Variants in TMEM132E observed in about 807,000 individuals in gnomAD.
The protein encoded by TMEM132E is transmembrane protein 132E.
A neutral mutation model predicts 78.5 loss-of-function variants in TMEM132E; 49 were observed. The ratio of observed to expected loss-of-function variants is 0.62; its 90% CI spans 0.50 to 0.79. The LOEUF is 0.79. TMEM132E is among the 30% of genes least tolerant of loss of function. The probability of loss-of-function intolerance (pLI) is 0.00; values close to 1 mark genes in which losing one functional copy is unlikely to be tolerated. For synonymous variants in TMEM132E, 715 were observed against 670.6 expected (o/e 1.07, Z -1.02); for missense variants, 1,403 against 1,470.9 (o/e 0.95, Z 0.75).
chr17:34,619,095 G>A (rs1176366009), intron 1 of TMEM132E, among the ~76,000 whole-genome samples: 1 of 152,236 alleles, frequency 6.6e-6, no homozygotes, highest in East Asian at 1.9e-4. Flanking sequence ...TGGGGTTGCT[G>A]GGCAGAGCCT....
intron 1 of TMEM132E, among the ~76,000 whole-genome samples, chr17:34,583,293 A>G (rs1242147993): frequency 6.6e-6 from 1 of 152,198 alleles, no homozygotes; most frequent in Non-Finnish European, 1.5e-5. Context: ...CCTCCTGACT[A>G]TCTGGCTTCC....
rs59611890 is a variant in TMEM132E at position 34,613,196 on chromosome 17, C to CA, written c.68-12931_68-12930insA. Among the ~76,000 whole-genome samples, 244 of 133,006 alleles carry CA rather than the reference C, an allele frequency of 1.8e-3. 4 individuals carry two copies. The highest frequency in any genetic ancestry group is 7.9e-3 in the Middle Eastern group (2 of 252). The allele number at this position is 133,006 out of a possible 152,430, so 87.3% of individuals were successfully genotyped here. ...CTCTACACACACACACACACACACACCCACACACACACACACGCGCGCGCG... is the reference window on the plus strand; with the variant it reads ...CTCTACACACACACACACACACACACACCACACACACACACACGCGCGCGCG... On this transcript the variant is annotated intron_variant, in intron 1 of 8. Coordinates refer to ENST00000631683, the MANE Select transcript of TMEM132E (RefSeq NM_001304438.2).
intron 1 of TMEM132E, among the ~76,000 whole-genome samples, chr17:34,598,552 C>T (rs1370714415): frequency 1.3e-5 from 2 of 152,078 alleles, no homozygotes; most frequent in Non-Finnish European, 2.9e-5. Flanking sequence ...CGGGGCCTAC[C>T]CAGGACAGCC....
At chr17:34,629,960 G>A (rs1298394154) in intron 4 of TMEM132E, 48 bp from the exon 5 acceptor site, 3 of 1,562,306 alleles carry the variant, frequency 1.9e-6, no homozygotes, top group Non-Finnish European at 1.7e-6. Flanking sequence ...GTGTGTCCCA[G>A]GACAGAAGGG....
At chr17:34,609,550 C>T (rs188192275) in intron 1 of TMEM132E, among the ~76,000 whole-genome samples, 180 of 152,280 alleles carry the variant, frequency 1.2e-3, no homozygotes, top group South Asian at 2.5e-3. Flanking sequence ...GGAACGGCAG[C>T]TCTGTCTGCC....
Position 34,637,714 on chromosome 17 carries a change from C to T in TMEM132E, c.2707C>T (p.Leu903Phe), listed in dbSNP as rs759262791. ...GCTGGGCGTCTTCTGCCTCGCCATC[C>T]TCGTCTTCCTCATCAACTGCATCGT... ...ALLGVFCLAI[L>F]VFLINCIVFV... The change falls in exon 9 of 9, where the codon CTC (leucine) becomes TTC (phenylalanine). Residue 903 changes from leucine (L) to phenylalanine (F), a missense_variant. Coordinates refer to ENST00000631683, the MANE Select transcript of TMEM132E (RefSeq NM_001304438.2). 1.2e-6 allele frequency: 2 copies of T among 1,613,112 alleles called. No individual in the cohort carries two copies. Among genetic ancestry groups the T allele is most frequent in the East Asian group, 2.2e-5 (1 of 44,884 alleles).
Position 34,626,191 on chromosome 17 carries a change from A to C in TMEM132E, c.132A>C (p.Pro44=). 3.2e-6 allele frequency: 5 copies of C among 1,567,360 alleles called. No individual in the cohort carries two copies. The highest frequency in any genetic ancestry group is 4.3e-6 in the Non-Finnish European group (5 of 1,156,630). ...PPGPQASPVL[P]VSYRLSHTRL... is the part of the protein sequence containing the mutation. ...GGCCGCAGGCCAGCCCGGTGCTGCC[A>C]GTCAGCTACCGCCTGTCGCACACGC... Residue 44 remains proline (P), a synonymous_variant, in exon 2 of 9, where the codon CCA becomes CCC. Transcript: ENST00000631683.
rs115945070 is a variant in TMEM132E at position 34,625,440 on chromosome 17, G to A, written c.68-687G>A. On this transcript the variant is annotated intron_variant, in intron 1 of 8. Transcript: ENST00000631683. ...TAAGGAGCTTGGGTTCGAGAGTCAGGGGACCCCAGGTTCAAGTCCCACTGC... is the reference window on the plus strand; with the variant it reads ...TAAGGAGCTTGGGTTCGAGAGTCAGAGGACCCCAGGTTCAAGTCCCACTGC... Among the ~76,000 whole-genome samples the A allele has an allele frequency of 2.3e-3, 344 of 152,220 alleles. 2 individuals carry two copies. The highest frequency in any genetic ancestry group is 7.9e-3 in the African/African-American group (326 of 41,522).
chr17:34,626,259 C>A lies in TMEM132E; in HGVS notation c.200C>A (p.Ala67Glu). Residue 67 changes from alanine (A) to glutamate (E), a missense_variant, in exon 2 of 9, where the codon GCG becomes GAG. Coordinates refer to ENST00000631683, the MANE Select transcript of TMEM132E (RefSeq NM_001304438.2). ...CGGGAGGCGCGGCCCCCGTCACCCG[C>A]GGTCGCCAACAGCTCTCTGCAGCGC... ...FLREARPPSP[A>E]VANSSLQRSE... 2 of 1,602,984 alleles carry A rather than the reference C, an allele frequency of 1.2e-6. No individual in the cohort carries two copies. Among genetic ancestry groups the A allele is most frequent in the East Asian group, 4.5e-5 (2 of 44,362 alleles).
At chr17:34,600,205 T>G (rs1906191416) in intron 1 of TMEM132E, among the ~76,000 whole-genome samples, 1 of 152,210 alleles carries the variant, frequency 6.6e-6, no homozygotes, top group African/African-American at 2.4e-5. Flanking sequence ...ATTAGACACA[T>G]AGTAGATGCT....
At position 34,607,682 on chromosome 17, in the gene TMEM132E, G is replaced by A. The variant is rs140786008; in HGVS notation, c.68-18445G>A. 2.5e-3 allele frequency among the ~76,000 whole-genome samples: 374 copies of A among 152,232 alleles called. 3 individuals are homozygous for A. The highest frequency in any genetic ancestry group is 8.6e-3 in the African/African-American group (357 of 41,532). ...CCACACTTCTGTCTGACTCGGCTAC[G>A]ACGGGGATTCCCAGGACCCCTTCCT... On this transcript the variant is annotated intron_variant, in intron 1 of 8. Transcript: ENST00000631683.
At position 34,638,270 on chromosome 17, in the gene TMEM132E, C is replaced by A. The variant is rs764781047; in HGVS notation, c.*38C>A. On this transcript the variant is annotated 3_prime_UTR_variant, in exon 9 of 9. Coordinates refer to ENST00000631683, the MANE Select transcript of TMEM132E (RefSeq NM_001304438.2). The stretch of plus-strand genomic sequence containing the variant: ...GAGTAGCAGGGACCCCCCCCCCCAA[C>A]GGGGTCAGCTCGGGGTAGGACACAG... 4 of 1,440,504 alleles carry A rather than the reference C, an allele frequency of 2.8e-6. No homozygotes were observed. Among genetic ancestry groups the A allele is most frequent in the East Asian group, 2.5e-5 (1 of 40,682 alleles). 89.2% of individuals were successfully genotyped at this position (1,440,504 alleles called of 1,614,324 possible). A position where few individuals can be genotyped will look rare whatever the true frequency, so the allele number is the denominator to read the frequency against.
intron 1 of TMEM132E, among the ~76,000 whole-genome samples, chr17:34,605,208 G>T (rs538041742): frequency 2.0e-5 from 3 of 152,126 alleles, no homozygotes; most frequent in African/African-American, 7.2e-5. Flanking sequence ...ACCTACTGTC[G>T]CACGGGCTGT....
chr17:34,583,271 G>A (rs1276392932), intron 1 of TMEM132E, among the ~76,000 whole-genome samples: 1 of 152,238 alleles, frequency 6.6e-6, no homozygotes, highest in Non-Finnish European at 1.5e-5. Flanking sequence ...GCCCTACTGA[G>A]CGGACATTTC....
In TMEM132E at chr17:34,598,077, T is replaced by G. The variant is rs150492504; in HGVS notation, c.67+16934T>G. ...TGTCATATACATTACATATAATACA[T>G]GTATTATATATAATGCATATATGAT... On this transcript the variant is annotated intron_variant, in intron 1 of 8. Coordinates refer to ENST00000631683, the MANE Select transcript of TMEM132E (RefSeq NM_001304438.2). Among the ~76,000 whole-genome samples, 436 of 152,328 alleles carry G rather than the reference T, an allele frequency of 2.9e-3. 2 individuals are homozygous for G. Among genetic ancestry groups the G allele is most frequent in the African/African-American group, 0.01 (421 of 41,568 alleles).
Position 34,628,613 on chromosome 17 carries a change from G to A in TMEM132E, c.1049G>A (p.Gly350Asp). 2.5e-6 allele frequency: 4 copies of A among 1,614,022 alleles called. No individual in the cohort carries two copies. The highest frequency in any genetic ancestry group is 1.1e-5 in the South Asian group (1 of 91,062). Reference protein sequence around the residue: ...VTLLGTKSRSGQWHVTSELLT... With the variant: ...VTLLGTKSRSDQWHVTSELLT... ...CTTTTAGGTACCAAGTCACGGAGTG[G>A]CCAGTGGCATGTGACCTCGGAGCTG... Residue 350 changes from glycine (G) to aspartate (D), a missense_variant, in exon 3 of 9, where the codon GGC becomes GAC. Physicochemically the swap from Gly to Asp is moderately conservative, Grantham distance 94. This residue lies in a region of TMEM132E where 511 missense variants were observed against 499.0 expected (regional missense o/e 1.02). Coordinates refer to ENST00000631683, the MANE Select transcript of TMEM132E (RefSeq NM_001304438.2).
Position 34,638,596 on chromosome 17 carries a change from G to A in TMEM132E, c.*364G>A. ...GTCAGGTGGGCCCACGCTGTGTCCC[G>A]GGCCCGCCTCCCGTCCCCCGTGTCG... On this transcript the variant is annotated 3_prime_UTR_variant, in exon 9 of 9. Transcript: ENST00000631683. 1 of 225,358 alleles carries A rather than the reference G, an allele frequency of 4.4e-6. No individual in the cohort carries two copies. Among genetic ancestry groups the A allele is most frequent in the Non-Finnish European group, 8.7e-6 (1 of 115,240 alleles). The allele number at this position is 225,358 out of a possible 1,614,324, so 14.0% of individuals were successfully genotyped here. A position where few individuals can be genotyped will look rare whatever the true frequency, so the allele number is the denominator to read the frequency against.
Position 34,627,008 on chromosome 17 carries a change from C to A in TMEM132E, c.949C>A (p.Pro317Thr). The A allele has an allele frequency of 6.2e-7, 1 of 1,613,796 alleles. No homozygotes were observed. The highest frequency in any genetic ancestry group is 8.5e-7 in the Non-Finnish European group (1 of 1,179,988). ...EVLSILLYLA[P>T]NSSSPSSPSV... is the part of the protein sequence containing the mutation. ...GCTCAGCATCCTCCTCTATCTGGCC[C>A]CCAACTCCTCCTCGCCCTCCAGCCC... The change falls in exon 2 of 9, where the codon CCC (proline) becomes ACC (threonine). Residue 317 changes from proline (P) to threonine (T), a missense_variant. Around this residue, in one of 3 missense-constraint regions of TMEM132E, gnomAD observed 511 missense variants for 499.0 expected, o/e 1.02. Transcript: ENST00000631683.
At chr17:34,613,211 A>ACACACACACACACACACG in intron 1 of TMEM132E, among the ~76,000 whole-genome samples, 1 of 115,856 alleles carries the variant, frequency 8.6e-6, no homozygotes, top group South Asian at 3.4e-4. Flanking sequence ...ACACACACAC[A>ACACACACACACACACACG]CGCGCGCGCG....
Sources: allele counts gnomAD v4.1 joint callset (sites outside exome capture counted in the v4.1 genomes callset), GRCh38; gene constraint gnomAD v4.1.1; regional missense constraint gnomAD v4.1.1; transcripts MANE v1.5; gene names NCBI Gene and HGNC (gene_info 2026-07-23, HGNC 2026-07-21).